HIBCH: variants seen among roughly 807,000 people sequenced by gnomAD.
The protein encoded by HIBCH is 3-hydroxyisobutyryl-CoA hydrolase.
In HIBCH, 50 loss-of-function variants were observed where a neutral mutation model predicts 58.2. The ratio of observed to expected loss-of-function variants is 0.86; its 90% CI spans 0.68 to 1.09. HIBCH has a LOEUF of 1.09. Among genes scored for constraint, HIBCH ranks in the 50% least tolerant of loss-of-function variants. The probability of loss-of-function intolerance (pLI) is 0.00; values close to 1 mark genes in which losing one functional copy is unlikely to be tolerated. For synonymous variants in HIBCH, 151 were observed against 146.9 expected (o/e 1.03, Z -0.20); for missense variants, 450 against 449.7 (o/e 1.00, Z -0.01).
intron 6 of HIBCH, among the ~76,000 whole-genome samples, chr2:190,276,407 T>G (rs182664946): frequency 2.0e-5 from 3 of 152,218 alleles, no homozygotes; most frequent in African/African-American, 7.2e-5. Flanking sequence ...CTAATTGATA[T>G]AGATTGGATA....
chr2:190,195,006 C>A (rs1037823664), intron 1 of HIBCH, among the ~76,000 whole-genome samples: 1 of 152,134 alleles, frequency 6.6e-6, no homozygotes, highest in East Asian at 1.9e-4. Flanking sequence ...AGGTGTGCAC[C>A]ACCATGCCTG....
chr2:190,226,346 A>G (rs972406723), intron 11 of HIBCH, among the ~76,000 whole-genome samples: 3 of 152,238 alleles, frequency 2.0e-5, no homozygotes, highest in Admixed American at 2.0e-4. Flanking sequence ...CTGTAATCCC[A>G]GCACTTTGGG....
chr2:190,224,983 A>G (rs1685845705), intron 11 of HIBCH, among the ~76,000 whole-genome samples: 1 of 152,240 alleles, frequency 6.6e-6, no homozygotes, highest in Non-Finnish European at 1.5e-5. Flanking sequence ...AAATCGCTCA[A>G]CTACTTGGAA....
chr2:190,227,209 T>C (rs1486306551), intron 11 of HIBCH, among the ~76,000 whole-genome samples: 1 of 152,172 alleles, frequency 6.6e-6, no homozygotes, highest in Non-Finnish European at 1.5e-5. Context: ...CCAAACAGCA[T>C]GGTACTGGTA....
intron 11 of HIBCH, among the ~76,000 whole-genome samples, chr2:190,232,730 A>G (rs1686142642): frequency 6.6e-6 from 1 of 152,178 alleles, no homozygotes; most frequent in Non-Finnish European, 1.5e-5. Flanking sequence ...AGGCCGAGGC[A>G]GGTGGATCCC....
chr2:190,263,062 T>C, intron 6 of HIBCH, among the ~76,000 whole-genome samples: 1 of 152,164 alleles, frequency 6.6e-6, no homozygotes. Context: ...AAAGAATCTA[T>C]TATAGGTTAC....
rs1352721091 is a variant in HIBCH at position 190,236,269 on chromosome 2, C to T, written c.891+8618G>A. Among the ~76,000 whole-genome samples the T allele has an allele frequency of 6.6e-6, 1 of 152,098 alleles. No individual in the cohort carries two copies. The highest frequency in any genetic ancestry group is 1.5e-5 in the Non-Finnish European group (1 of 68,014). On this transcript the variant is annotated intron_variant, in intron 11 of 13. Transcript: ENST00000359678. The surrounding 1 kb of genome is among the most constrained non-coding windows in gnomAD (Gnocchi z 4.1). Reference sequence around the variant, plus strand: ...GTCCTCAGGGTTAAATGAAACTAAGCTGAAGGTAAAATTTAATTCACAAGT... The same window carrying T: ...GTCCTCAGGGTTAAATGAAACTAAGTTGAAGGTAAAATTTAATTCACAAGT...
chr2:190,280,562 A>G (rs1687679243), intron 6 of HIBCH, among the ~76,000 whole-genome samples: 1 of 152,244 alleles, frequency 6.6e-6, no homozygotes, highest in Non-Finnish European at 1.5e-5. Context: ...GGGCCCAAGC[A>G]TGTGCATTTA....
intron 11 of HIBCH, among the ~76,000 whole-genome samples, chr2:190,223,136 G>A (rs1685773774): frequency 6.6e-6 from 1 of 152,196 alleles, no homozygotes; most frequent in South Asian, 2.1e-4. Flanking sequence ...TGGGGGTTAG[G>A]GGAGGGATAA....
chr2:190,222,565 A>C (rs1334779575), intron 11 of HIBCH, among the ~76,000 whole-genome samples: 1 of 152,212 alleles, frequency 6.6e-6, no homozygotes, highest in Non-Finnish European at 1.5e-5. Flanking sequence ...TCAAAACCAT[A>C]ATGAGATACC....
downstream of HIBCH, chr2:190,199,746 T>C (rs1338913350): frequency 1.3e-6 from 2 of 1,509,152 alleles, no homozygotes; most frequent in South Asian, 1.4e-5. Context: ...ATTACTGAAG[T>C]GCCCTGGAGA....
intron 6 of HIBCH, among the ~76,000 whole-genome samples, chr2:190,284,213 T>C (rs1030302652): frequency 6.6e-6 from 1 of 152,266 alleles, no homozygotes; most frequent in Non-Finnish European, 1.5e-5. Context: ...CAACATTATC[T>C]TGATCTGTTT....
rs560143073 is a variant in HIBCH, at chr2:190,216,352, G to A, written c.892-3277C>T. ...AGGCGGCAGAAAGGATTCAGATTATGGAAGGGTAAATGGATGAAATGACCA... is the reference window on the plus strand; with the variant it reads ...AGGCGGCAGAAAGGATTCAGATTATAGAAGGGTAAATGGATGAAATGACCA... On this transcript the variant is annotated intron_variant, in intron 11 of 13. Transcript: ENST00000359678. The surrounding 1 kb of genome is among the most constrained non-coding windows in gnomAD (Gnocchi z 4.2). Among the ~76,000 whole-genome samples, 166 of 152,188 alleles carry A rather than the reference G, an allele frequency of 1.1e-3. No homozygotes were observed. Among genetic ancestry groups the A allele is most frequent in the Middle Eastern group, 3.2e-3 (1 of 316 alleles).
intron 1 of HIBCH, among the ~76,000 whole-genome samples, chr2:190,312,956 A>G (rs1688597466): frequency 6.6e-6 from 1 of 152,190 alleles, no homozygotes; most frequent in Non-Finnish European, 1.5e-5. Context: ...AAAATTAGCC[A>G]GGCATGGTGG....
chr2:190,232,963 AAAT>A (rs1002197492), intron 11 of HIBCH, among the ~76,000 whole-genome samples: 4 of 83,812 alleles, frequency 4.8e-5, no homozygotes, highest in East Asian at 1.3e-3. Flanking sequence ...ATCTCAAAAA[AAAT>A]AAATAAATAA....
At chr2:190,230,624 G>C (rs1686068591) in intron 11 of HIBCH, among the ~76,000 whole-genome samples, 1 of 152,234 alleles carries the variant, frequency 6.6e-6, no homozygotes, top group African/African-American at 2.4e-5. Context: ...GAACCCAGGA[G>C]GTGGAGGCTG....
intron 7 of HIBCH, among the ~76,000 whole-genome samples, chr2:190,259,448 T>C (rs1455322614): frequency 1.3e-5 from 2 of 151,182 alleles, no homozygotes; most frequent in African/African-American, 4.9e-5. Flanking sequence ...AGCCTCTACT[T>C]TCAGGGCTCA....
chr2:190,285,843 C>A (rs1056594076), intron 6 of HIBCH, among the ~76,000 whole-genome samples: 1 of 151,904 alleles, frequency 6.6e-6, no homozygotes, highest in African/African-American at 2.4e-5. Flanking sequence ...GAAAGTATGT[C>A]TTTTTGTTTT....
At chr2:190,287,341 C>T (rs1344464221) in intron 6 of HIBCH, among the ~76,000 whole-genome samples, 4 of 152,124 alleles carry the variant, frequency 2.6e-5, no homozygotes, top group African/African-American at 9.7e-5. Context: ...GGATTACAGA[C>T]GTGAGGCACC....
Sources: allele counts gnomAD v4.1 joint callset (sites outside exome capture counted in the v4.1 genomes callset), GRCh38; gene constraint gnomAD v4.1.1; non-coding constraint Gnocchi (gnomAD v3.1); transcripts MANE v1.5; gene names NCBI Gene and HGNC (gene_info 2026-07-23, HGNC 2026-07-21).